The following SRBD1 variants were observed in gnomAD, a reference collection of about 807,000 sequenced individuals.
The protein encoded by SRBD1 is S1 RNA-binding domain-containing protein 1.
SRBD1 carries 88 observed loss-of-function variants against 115.3 expected under a neutral mutation model. The observed-to-expected ratio is 0.76, with a 90% CI of 0.64 to 0.91. The LOEUF is 0.91. SRBD1 is among the 40% of genes least tolerant of loss of function. The pLI is 0.00. For missense variants in SRBD1, 1,385 were observed against 1,177.4 expected (o/e 1.18, Z -2.58); for synonymous variants, 509 against 407.7 (o/e 1.25, Z -2.99).
In SRBD1 at chr2:45,465,046, C is replaced by CACACACACAT. The variant is rs58921931; in HGVS notation, c.2049+11946_2049+11947insATGTGTGTGT. On this transcript the variant is annotated intron_variant, in intron 16 of 20. Coordinates refer to ENST00000263736, the MANE Select transcript of SRBD1 (RefSeq NM_018079.5). ...ACACACACACACACACACACACACACACAGAGTCATCCCCTGGTATGGGGG... is the reference window on the plus strand; with the variant it reads ...ACACACACACACACACACACACACACACACACACATACAGAGTCATCCCCTGGTATGGGGG... Among the ~76,000 whole-genome samples, 339 of 141,618 alleles carry CACACACACAT rather than the reference C, an allele frequency of 2.4e-3. 8 individuals carry two copies. Among genetic ancestry groups the CACACACACAT allele is most frequent in the East Asian group, 5.1e-3 (25 of 4,858 alleles). 92.9% of individuals were successfully genotyped at this position (141,618 alleles called of 152,430 possible). A position where few individuals can be genotyped will look rare whatever the true frequency, so the allele number is the denominator to read the frequency against.
chr2:45,605,374 G>T lies in SRBD1; in HGVS notation c.68C>A (p.Ser23Ter), dbSNP rs1674233916. 6.2e-7 allele frequency: 1 copy of T among 1,613,228 alleles called. No individual in the cohort carries two copies. Among genetic ancestry groups the T allele is most frequent in the Non-Finnish European group, 8.5e-7 (1 of 1,179,852 alleles). Residue 23 changes from serine (S) to a stop codon, truncating the protein, a stop_gained, in exon 2 of 21, where the codon TCA becomes TAA. Coordinates refer to ENST00000263736, the MANE Select transcript of SRBD1 (RefSeq NM_018079.5). LOFTEE classifies it high-confidence loss of function. ...CCAGTATGCTTACAACTCAGAGAAT[G>T]AAGAAAATTCATCTTTCAGTACCAC... Reference protein sequence around the residue: ...QDVVLKDEFSSFSELSSASEE... With the variant: ...QDVVLKDEFS
At chr2:45,491,202 T>C (rs1262660160) in intron 14 of SRBD1, among the ~76,000 whole-genome samples, 2 of 152,206 alleles carry the variant, frequency 1.3e-5, no homozygotes, top group African/African-American at 4.8e-5. Flanking sequence ...AAACACTTTC[T>C]GTTTGATGGG....
intron 14 of SRBD1, among the ~76,000 whole-genome samples, chr2:45,503,421 A>C (rs945593084): frequency 3.9e-5 from 6 of 152,148 alleles, no homozygotes; most frequent in Admixed American, 1.3e-4. Context: ...AATATAAGAA[A>C]CATGTCTACT....
intron 4 of SRBD1, among the ~76,000 whole-genome samples, chr2:45,587,098 TTTAA>T (rs1263737538): frequency 4.1e-5 from 5 of 121,880 alleles, no homozygotes; most frequent in South Asian, 2.6e-4. Flanking sequence ...TTTTTAAATA[TTTAA>T]TTATTTTAAA....
intron 14 of SRBD1, among the ~76,000 whole-genome samples, chr2:45,500,751 T>G (rs1670607242): frequency 6.6e-6 from 1 of 152,226 alleles, no homozygotes; most frequent in Non-Finnish European, 1.5e-5. Flanking sequence ...TTTTGTATTC[T>G]GCAACTTTAC....
chr2:45,603,826 A>C (rs1010192537), intron 2 of SRBD1, among the ~76,000 whole-genome samples: 1 of 152,116 alleles, frequency 6.6e-6, no homozygotes, highest in African/African-American at 2.4e-5. Context: ...CACCACACCC[A>C]GCTGGGAATC....
intron 16 of SRBD1, among the ~76,000 whole-genome samples, chr2:45,428,163 G>A (rs188201129): frequency 1.3e-5 from 2 of 152,170 alleles, no homozygotes; most frequent in African/African-American, 4.8e-5. Context: ...TCAGACTACA[G>A]TGCAATAAAA....
intron 15 of SRBD1, among the ~76,000 whole-genome samples, chr2:45,478,165 G>T (rs2103823200): frequency 6.6e-6 from 1 of 152,200 alleles, no homozygotes; most frequent in South Asian, 2.1e-4. Flanking sequence ...AAGCTAATCA[G>T]TGTCACCTTC....
At chr2:45,577,570 A>G (rs1396489351) in intron 7 of SRBD1, among the ~76,000 whole-genome samples, 7 of 152,172 alleles carry the variant, frequency 4.6e-5, no homozygotes, top group Admixed American at 3.9e-4. Context: ...CTCCCAGGAC[A>G]TAGTCCATTT....
At chr2:45,509,239 A>G (rs1670888506) in intron 14 of SRBD1, among the ~76,000 whole-genome samples, 1 of 152,130 alleles carries the variant, frequency 6.6e-6, no homozygotes, top group African/African-American at 2.4e-5. Context: ...CACTATTATG[A>G]GCAAATTTGA....
chr2:45,451,217 G>T (rs540152776), intron 16 of SRBD1, among the ~76,000 whole-genome samples: 4 of 151,934 alleles, frequency 2.6e-5, no homozygotes, highest in African/African-American at 9.6e-5. Context: ...TTTTTTAATT[G>T]CACTTGAATG....
At chr2:45,413,653 C>T (rs887368681) in intron 18 of SRBD1, among the ~76,000 whole-genome samples, 2 of 152,138 alleles carry the variant, frequency 1.3e-5, no homozygotes, top group African/African-American at 4.8e-5. Flanking sequence ...CTTGGCTTCG[C>T]GCAGTGGCTC....
intron 4 of SRBD1, among the ~76,000 whole-genome samples, chr2:45,594,033 A>T (rs1673810657): frequency 6.6e-6 from 1 of 152,244 alleles, no homozygotes; most frequent in Non-Finnish European, 1.5e-5. Flanking sequence ...GTTGTTTTTT[A>T]AAAAGACCAT....
At chr2:45,511,900 C>T (rs1303054448) in intron 14 of SRBD1, among the ~76,000 whole-genome samples, 1 of 152,212 alleles carries the variant, frequency 6.6e-6, no homozygotes, top group East Asian at 1.9e-4. Flanking sequence ...TTATTTTCAA[C>T]AGCCACCTTC....
At chr2:45,402,818 C>T (rs1667326227) in intron 19 of SRBD1, among the ~76,000 whole-genome samples, 1 of 152,136 alleles carries the variant, frequency 6.6e-6, no homozygotes, top group African/African-American at 2.4e-5. Context: ...GCATCATCTG[C>T]AGCACCAAGC....
At chr2:45,519,677 T>C (rs62128560) in intron 14 of SRBD1, among the ~76,000 whole-genome samples, 6 of 152,182 alleles carry the variant, frequency 3.9e-5, no homozygotes, top group African/African-American at 1.2e-4. Context: ...GCACATACAT[T>C]ATGTGATTTT....
At chr2:45,586,837 G>A (rs1280664505) in intron 4 of SRBD1, among the ~76,000 whole-genome samples, 2 of 143,068 alleles carry the variant, frequency 1.4e-5, no homozygotes, top group African/African-American at 2.6e-5. Context: ...ATGAACCACC[G>A]AAACAGGCAA....
intron 18 of SRBD1, among the ~76,000 whole-genome samples, chr2:45,414,662 A>G (rs1667725057): frequency 6.6e-6 from 1 of 151,056 alleles, no homozygotes; most frequent in African/African-American, 2.4e-5. Context: ...GCACATACAC[A>G]CATAGTGTAT....
rs1040631136 is a variant in SRBD1, at chr2:45,599,619, C to A, written c.478G>T (p.Val160Leu). The change falls in exon 4 of 21, where the codon GTG (valine) becomes TTG (leucine). Residue 160 changes from valine (V) to leucine (L), a missense_variant. Val to Leu is a conservative substitution (Grantham distance 32, BLOSUM62 1). Coordinates refer to ENST00000263736, the MANE Select transcript of SRBD1 (RefSeq NM_018079.5). The stretch of plus-strand genomic sequence containing the variant: ...TCCTTCTTGCATGTACCTCCCCACA[C>A]AGTGCTTGTGGATGGTGTCTCTGAA... Reference protein sequence around the residue: ...NSSETPSTSTVWGGTCKKEEN... With the variant: ...NSSETPSTSTLWGGTCKKEEN... The A allele has an allele frequency of 1.1e-5, 18 of 1,614,108 alleles. No individual in the cohort carries two copies. Among genetic ancestry groups the A allele is most frequent in the Non-Finnish European group, 1.4e-5 (17 of 1,180,036 alleles).
Sources: gnomAD v4.1 joint callset for allele counts (sites outside exome capture counted in the v4.1 genomes callset) on GRCh38, gnomAD v4.1.1 for gene constraint, MANE v1.5 for transcripts, NCBI Gene and HGNC (gene_info 2026-07-23, HGNC 2026-07-21) for gene names.